The following CSMD1 variants were observed in gnomAD, a reference collection of about 807,000 sequenced individuals.
The protein encoded by CSMD1 is CUB and sushi domain-containing protein 1.
In CSMD1, 213 loss-of-function variants were observed where a neutral mutation model predicts 417.5. The observed-to-expected ratio is 0.51, with a 90% CI of 0.46 to 0.57. The LOEUF is 0.57. CSMD1 is among the 20% of genes least tolerant of loss of function. The pLI, the probability that CSMD1 is intolerant of heterozygous loss-of-function variation, is 0.00. For synonymous variants in CSMD1, 2,862 were observed against 1,736.8 expected (o/e 1.65, Z -16.11); for missense variants, 6,923 against 4,529.7 (o/e 1.53, Z -15.17).
At chr8:3,101,474 G>C (rs944135639) in intron 46 of CSMD1, among the ~76,000 whole-genome samples, 1 of 152,196 alleles carries the variant, frequency 6.6e-6, no homozygotes, top group African/African-American at 2.4e-5. Flanking sequence ...CCAGGCTGGA[G>C]TGCAATGACA....
chr8:4,960,225 T>G (rs1171810894), intron 1 of CSMD1, among the ~76,000 whole-genome samples: 1 of 152,192 alleles, frequency 6.6e-6, no homozygotes, highest in African/African-American at 2.4e-5. Flanking sequence ...ACTCAGAAGA[T>G]GAAATACAAA....
chr8:3,986,862 C>T (rs1397524033), intron 5 of CSMD1, among the ~76,000 whole-genome samples: 1 of 152,090 alleles, frequency 6.6e-6, no homozygotes, highest in African/African-American at 2.4e-5. Flanking sequence ...TCAAGCAATT[C>T]TCCTGCTTCA....
chr8:4,407,137 G>C (rs567730938), intron 3 of CSMD1, among the ~76,000 whole-genome samples: 4 of 152,124 alleles, frequency 2.6e-5, no homozygotes, highest in Admixed American at 6.6e-5. Context: ...CACCAGATGA[G>C]CTGCAAAGCC....
At chr8:4,022,609 C>T (rs1220339587) in intron 4 of CSMD1, among the ~76,000 whole-genome samples, 2 of 152,064 alleles carry the variant, frequency 1.3e-5, no homozygotes, top group Non-Finnish European at 2.9e-5. Flanking sequence ...TACTGCTTTG[C>T]GACAGTCCTA....
intron 2 of CSMD1, among the ~76,000 whole-genome samples, chr8:4,574,382 T>C (rs1193462969): frequency 6.6e-6 from 1 of 152,160 alleles, no homozygotes; most frequent in African/African-American, 2.4e-5. Context: ...GAGAGGGGGT[T>C]ACCCAGCCCC....
At chr8:4,666,242 T>G (rs1345308731) in intron 1 of CSMD1, among the ~76,000 whole-genome samples, 1 of 152,148 alleles carries the variant, frequency 6.6e-6, no homozygotes, top group Non-Finnish European at 1.5e-5. Flanking sequence ...TGGAGGGGAA[T>G]CAAGGTAACA....
rs537146454 is a variant in CSMD1 at position 4,633,374 on chromosome 8, G to A, written c.302+3968C>T. ...CCAGTCTCCTGCCTCACCCTCCCTA[G>A]TAGCTGGGACTACAGGCGCCCACCA... On this transcript the variant is annotated intron_variant, in intron 2 of 69. Coordinates refer to ENST00000635120, the MANE Select transcript of CSMD1 (RefSeq NM_033225.6). Among the ~76,000 whole-genome samples the A allele has an allele frequency of 1.3e-3, 193 of 151,858 alleles. 1 individual carries two copies. Among genetic ancestry groups the A allele is most frequent in the African/African-American group, 4.6e-3 (190 of 41,404 alleles).
intron 3 of CSMD1, among the ~76,000 whole-genome samples, chr8:4,317,931 GT>G (rs1344195848): frequency 6.6e-6 from 1 of 152,168 alleles, no homozygotes; most frequent in Non-Finnish European, 1.5e-5. Context: ...CAAGAATGAT[GT>G]AATATGTTGC....
At chr8:3,765,279 C>A (rs1042464112) in intron 5 of CSMD1, among the ~76,000 whole-genome samples, 24 of 152,146 alleles carry the variant, frequency 1.6e-4, no homozygotes, top group African/African-American at 5.6e-4. Context: ...TCTATGCTAG[C>A]CCCACGGACT....
rs574372995 is a variant in CSMD1, at chr8:4,769,669, G to A, written c.86-132111C>T. The stretch of plus-strand genomic sequence containing the variant: ...AAGAAACGGGAGGCTTGGAAAGGCT[G>A]ACGGATTTGTGGAGCTGCACGTCAG... On this transcript the variant is annotated intron_variant, in intron 1 of 69. Coordinates refer to ENST00000635120, the MANE Select transcript of CSMD1 (RefSeq NM_033225.6). Among the ~76,000 whole-genome samples the A allele has an allele frequency of 2.0e-5, 3 of 152,318 alleles. No homozygotes were observed. In the South Asian group the frequency reaches 6.2e-4, roughly 32 times the overall value.
intron 3 of CSMD1, among the ~76,000 whole-genome samples, chr8:4,093,175 G>C (rs1800811028): frequency 6.6e-6 from 1 of 152,034 alleles, no homozygotes; most frequent in East Asian, 1.9e-4. Flanking sequence ...ACAGTAACAA[G>C]TAAACAGAAA....
chr8:4,069,101 C>T (rs1799410001), intron 3 of CSMD1, among the ~76,000 whole-genome samples: 1 of 152,108 alleles, frequency 6.6e-6, no homozygotes, highest in African/African-American at 2.4e-5. Context: ...TCATGGACTC[C>T]ATTTTGATTT....
chr8:3,356,548 G>C (rs1027045916), intron 21 of CSMD1, among the ~76,000 whole-genome samples: 1 of 152,172 alleles, frequency 6.6e-6, no homozygotes, highest in South Asian at 2.1e-4. Flanking sequence ...GGTGGCATGT[G>C]CCTGTAGTCC....
chr8:3,571,529 A>T (rs1183173585), intron 10 of CSMD1, among the ~76,000 whole-genome samples: 1 of 152,052 alleles, frequency 6.6e-6, no homozygotes, highest in South Asian at 2.1e-4. Context: ...ACCTGCCTCG[A>T]GTTTGACTCT....
chr8:3,295,334 G>A (rs552507119), intron 25 of CSMD1, among the ~76,000 whole-genome samples: 1 of 151,892 alleles, frequency 6.6e-6, no homozygotes, highest in African/African-American at 2.4e-5. Context: ...CACTGTGTTA[G>A]CCAGGAAGGT....
At chr8:4,905,731 A>G (rs1032140903) in intron 1 of CSMD1, among the ~76,000 whole-genome samples, 21 of 150,748 alleles carry the variant, frequency 1.4e-4, no homozygotes, top group Admixed American at 1.4e-3. Flanking sequence ...GAGGCAGGAG[A>G]ATGGCGTGAA....
chr8:3,780,931 C>G (rs991708601), intron 5 of CSMD1, among the ~76,000 whole-genome samples: 1 of 152,128 alleles, frequency 6.6e-6, no homozygotes, highest in African/African-American at 2.4e-5. Flanking sequence ...CCATGGCTTT[C>G]TAAATGTAAA....
intron 3 of CSMD1, among the ~76,000 whole-genome samples, chr8:4,097,862 T>C (rs1256226038): frequency 6.6e-6 from 1 of 152,196 alleles, no homozygotes; most frequent in Non-Finnish European, 1.5e-5. Context: ...TACACTACTG[T>C]GTGACTACGT....
chr8:4,067,531 T>C (rs1799315793), intron 3 of CSMD1, among the ~76,000 whole-genome samples: 3 of 152,164 alleles, frequency 2.0e-5, no homozygotes, highest in Admixed American at 2.0e-4. Flanking sequence ...CTTAATTTTG[T>C]TGTATAGCTT....
Sources: allele counts gnomAD v4.1 joint callset (sites outside exome capture counted in the v4.1 genomes callset), GRCh38; gene constraint gnomAD v4.1.1; transcripts MANE v1.5; gene names NCBI Gene and HGNC (gene_info 2026-07-23, HGNC 2026-07-21).